The following GOSR1 variants were observed in gnomAD, a reference collection of about 807,000 sequenced individuals.
The protein encoded by GOSR1 is 28 kDa Golgi SNARE protein.
GOSR1 carries 21 observed loss-of-function variants against 35.5 expected under a neutral mutation model. That is an observed-to-expected ratio of 0.59 (90% CI 0.42 to 0.85). GOSR1 has a LOEUF of 0.85. GOSR1 is among the 40% of genes least tolerant of loss of function. The probability of loss-of-function intolerance (pLI) is 0.00; values close to 1 mark genes in which losing one functional copy is unlikely to be tolerated. For synonymous variants in GOSR1, 94 were observed against 106.6 expected (o/e 0.88, Z 0.73); for missense variants, 285 against 309.6 (o/e 0.92, Z 0.60).
chr17:30,506,913 T>A (rs1967421736), intron 6 of GOSR1, among the ~76,000 whole-genome samples: 1 of 152,176 alleles, frequency 6.6e-6, no homozygotes, highest in Admixed American at 6.5e-5. Context: ...CTCTCTAAAT[T>A]GAATAACAAA....
In GOSR1 at chr17:30,516,906, G is replaced by T. The variant is rs544919199; in HGVS notation, c.540-3033G>T. Among the ~76,000 whole-genome samples, 4 of 152,266 alleles carry T rather than the reference G, an allele frequency of 2.6e-5. No homozygotes were observed. In the East Asian group the frequency reaches 5.8e-4, roughly 22 times the overall value. On this transcript the variant is annotated intron_variant, in intron 7 of 8. Transcript: ENST00000451249. ...TTTTTGTATTTTTAGTAGAGAAGAGGTTTCACCATGTTGGCCAGGCTGGTC... is the reference window on the plus strand; with the variant it reads ...TTTTTGTATTTTTAGTAGAGAAGAGTTTTCACCATGTTGGCCAGGCTGGTC...
At chr17:30,511,153 A>G (rs1157738480) in intron 7 of GOSR1, among the ~76,000 whole-genome samples, 2 of 152,190 alleles carry the variant, frequency 1.3e-5, no homozygotes, top group African/African-American at 4.8e-5. Flanking sequence ...AATTTTTCCA[A>G]TTAATTTATA....
intron 7 of GOSR1, among the ~76,000 whole-genome samples, chr17:30,511,528 T>G (rs1367364801): frequency 9.1e-6 from 1 of 109,808 alleles, no homozygotes; most frequent in Non-Finnish European, 1.8e-5. Context: ...TAACAAACAT[T>G]TGTATTTTTT....
chr17:30,516,593 A>G (rs764354128), intron 7 of GOSR1, among the ~76,000 whole-genome samples: 2 of 152,206 alleles, frequency 1.3e-5, no homozygotes, highest in Non-Finnish European at 2.9e-5. Flanking sequence ...ACTGTCATAC[A>G]GACATCCCCA....
chr17:30,482,248 T>A (rs553258438), intron 2 of GOSR1, among the ~76,000 whole-genome samples: 1 of 152,170 alleles, frequency 6.6e-6, no homozygotes, highest in African/African-American at 2.4e-5. Context: ...TTTTTGAGAT[T>A]CAGCTATGGA....
chr17:30,511,313 C>T (rs1967605998), intron 7 of GOSR1, among the ~76,000 whole-genome samples: 1 of 152,168 alleles, frequency 6.6e-6, no homozygotes, highest in South Asian at 2.1e-4. Flanking sequence ...TTCATAGTAT[C>T]TGTAATAACA....
chr17:30,483,678 A>G (rs1185630616), intron 2 of GOSR1, among the ~76,000 whole-genome samples: 1 of 152,248 alleles, frequency 6.6e-6, no homozygotes, highest in African/African-American at 2.4e-5. Flanking sequence ...ATGCTAATAC[A>G]TACCTAACCT....
Position 30,526,941 on chromosome 17 carries a change from G to C in GOSR1, c.*4563G>C, listed in dbSNP as rs1428191921. The C allele has an allele frequency of 6.6e-6, 1 of 152,144 alleles. No individual in the cohort carries two copies. The highest frequency in any genetic ancestry group is 2.4e-5 in the African/African-American group (1 of 41,424). 9.4% of individuals were successfully genotyped at this position (152,144 alleles called of 1,614,324 possible). ...TGAAACCCAGGATGAAATAATACAG[G>C]TGCTGAAAAGCTGTCACATGTCATT... is the stretch of plus-strand genomic sequence containing the variant. On this transcript the variant is annotated 3_prime_UTR_variant, in exon 9 of 9. Transcript: ENST00000451249.
chr17:30,510,964 T>C, intron 7 of GOSR1, 55 bp downstream of exon 7: 1 of 1,018,810 alleles, frequency 9.8e-7, no homozygotes, highest in Non-Finnish European at 1.6e-6. Flanking sequence ...GCACGTAAAT[T>C]TAATGAACAG....
intron 6 of GOSR1, among the ~76,000 whole-genome samples, chr17:30,494,769 A>C (rs1966931155): frequency 6.6e-6 from 1 of 151,630 alleles, no homozygotes; most frequent in African/African-American, 2.4e-5. Context: ...CACTACACCC[A>C]GCTAACTTTT....
At chr17:30,512,402 C>A (rs902835273) in intron 7 of GOSR1, among the ~76,000 whole-genome samples, 2 of 152,156 alleles carry the variant, frequency 1.3e-5, no homozygotes, top group East Asian at 3.8e-4. Context: ...GTCCTATATA[C>A]CCTTTACCCA....
At chr17:30,502,702 A>G (rs1435271943) in intron 6 of GOSR1, among the ~76,000 whole-genome samples, 11 of 152,246 alleles carry the variant, frequency 7.2e-5, no homozygotes, top group African/African-American at 2.7e-4. Flanking sequence ...CCAGACTGAA[A>G]GGAATTATGC....
chr17:30,478,980 G>C (rs538508932), intron 1 of GOSR1: 41 of 152,290 alleles, frequency 2.7e-4, no homozygotes, highest in African/African-American at 9.4e-4. Context: ...AACCTACTCT[G>C]TGCCAGCTGC....
chr17:30,500,615 C>G (rs1204347237), intron 6 of GOSR1, among the ~76,000 whole-genome samples: 2 of 152,174 alleles, frequency 1.3e-5, no homozygotes, highest in Non-Finnish European at 2.9e-5. Flanking sequence ...TAGTTGTACT[C>G]TGGTTACTGT....
intron 7 of GOSR1, among the ~76,000 whole-genome samples, chr17:30,519,232 T>A (rs981528701): frequency 6.6e-6 from 1 of 152,070 alleles, no homozygotes; most frequent in Non-Finnish European, 1.5e-5. Context: ...TTTTTTATTT[T>A]GGTAGAGTTG....
At position 30,526,392 on chromosome 17, in the gene GOSR1, T is replaced by G. The variant is rs1225988008; in HGVS notation, c.*4014T>G. On this transcript the variant is annotated 3_prime_UTR_variant, in exon 9 of 9. Coordinates refer to ENST00000451249, the MANE Select transcript of GOSR1 (RefSeq NM_001007025.2). ...TGGGTGCAGTGGCTCACGCCTGTAA[T>G]CTTAGCACTTTGGGAGACCAAGGCA... 6.6e-6 allele frequency: 1 copy of G among 152,200 alleles called. No individual in the cohort carries two copies. The highest frequency in any genetic ancestry group is 2.4e-5 in the African/African-American group (1 of 41,448). The allele number at this position is 152,200 out of a possible 1,614,324, so 9.4% of individuals were successfully genotyped here.
chr17:30,503,594 A>G (rs866100999), intron 6 of GOSR1, among the ~76,000 whole-genome samples: 7 of 152,368 alleles, frequency 4.6e-5, no homozygotes, highest in Middle Eastern at 3.4e-3. Context: ...CACGTCCAGG[A>G]TATGTTTAAT....
chr17:30,510,203 A>G (rs992344703), intron 6 of GOSR1, among the ~76,000 whole-genome samples: 2 of 151,984 alleles, frequency 1.3e-5, no homozygotes, highest in Non-Finnish European at 2.9e-5. Flanking sequence ...CCTGCCGAGT[A>G]GCTGGGACTA....
At chr17:30,510,096 A>G (rs1173983306) in intron 6 of GOSR1, among the ~76,000 whole-genome samples, 1 of 152,130 alleles carries the variant, frequency 6.6e-6, no homozygotes, top group Non-Finnish European at 1.5e-5. Flanking sequence ...TTTGAGACAG[A>G]GTCTTGCTCT....
Sources: allele counts gnomAD v4.1 joint callset (sites outside exome capture counted in the v4.1 genomes callset), GRCh38; gene constraint gnomAD v4.1.1; transcripts MANE v1.5; gene names NCBI Gene and HGNC (gene_info 2026-07-23, HGNC 2026-07-21).